LINGO2: variants seen among roughly 807,000 people sequenced by gnomAD.
The protein encoded by LINGO2 is leucine rich repeat and Ig domain containing 2.
LINGO2 carries 14 observed loss-of-function variants against 30.6 expected under a neutral mutation model. The ratio of observed to expected loss-of-function variants is 0.46; its 90% CI spans 0.30 to 0.72. The LOEUF is 0.72. LINGO2 is among the 30% of genes least tolerant of loss of function. The pLI, the probability that LINGO2 is intolerant of heterozygous loss-of-function variation, is 0.07. For synonymous variants in LINGO2, 317 were observed against 288.5 expected (o/e 1.10, Z -1.00); for missense variants, 729 against 751.7 (o/e 0.97, Z 0.35).
the LINGO2 span, among the ~76,000 whole-genome samples, chr9:29,111,151 C>T: frequency 6.6e-6 from 1 of 152,082 alleles, no homozygotes; most frequent in Non-Finnish European, 1.5e-5. Context: ...TCACTGTATA[C>T]ATTTTTTAAA....
chr9:28,582,066 T>C (rs946624795), intron 1 of LINGO2, among the ~76,000 whole-genome samples: 4 of 152,006 alleles, frequency 2.6e-5, no homozygotes, highest in Non-Finnish European at 4.4e-5. Flanking sequence ...AAGTCCTATA[T>C]TGAGCTCATC....
rs143004760 is a variant in LINGO2, at chr9:27,976,743, A to G, written c.-35-26037T>C. On this transcript the variant is annotated intron_variant, in intron 5 of 5. Coordinates refer to ENST00000379992, the Ensembl canonical transcript of LINGO2. ...TCAGAAATCTCACTTTCATTTAAGA[A>G]ATTAAGTTTTAGGAAGGTGATTAAG... Among the ~76,000 whole-genome samples the G allele has an allele frequency of 1.8e-3, 272 of 152,176 alleles. 1 individual carries two copies. The highest frequency in any genetic ancestry group is 5.4e-3 in the Admixed American group (83 of 15,270).
intron 4 of LINGO2, among the ~76,000 whole-genome samples, chr9:28,032,642 C>T (rs1325115496): frequency 1.3e-5 from 2 of 152,196 alleles, no homozygotes; most frequent in African/African-American, 4.8e-5. Flanking sequence ...CCAAAATGTT[C>T]AAACATCCTG....
At chr9:29,092,058 T>C in the LINGO2 span, among the ~76,000 whole-genome samples, 1 of 152,014 alleles carries the variant, frequency 6.6e-6, no homozygotes, top group Non-Finnish European at 1.5e-5. Flanking sequence ...ATAATGATGA[T>C]CATACAGATG....
intron 3 of LINGO2, among the ~76,000 whole-genome samples, chr9:28,363,788 T>G (rs1820547517): frequency 6.6e-6 from 1 of 152,180 alleles, no homozygotes; most frequent in South Asian, 2.1e-4. Flanking sequence ...GCATTAGATG[T>G]CTTTGAGGTT....
At chr9:28,247,643 C>T (rs1050793499) in intron 4 of LINGO2, among the ~76,000 whole-genome samples, 1 of 151,994 alleles carries the variant, frequency 6.6e-6, no homozygotes, top group African/African-American at 2.4e-5. Flanking sequence ...ATAGCTAATG[C>T]ATGCAGGTTT....
the LINGO2 span, among the ~76,000 whole-genome samples, chr9:28,949,961 G>C: frequency 6.6e-6 from 1 of 152,132 alleles, no homozygotes; most frequent in South Asian, 2.1e-4. Context: ...TGCAAGGCTG[G>C]TTCAATATAC....
At position 28,473,934 on chromosome 9, in the gene LINGO2, TA is replaced by T. The variant is rs533977609; in HGVS notation, c.-279+2005del. 1.5e-3 allele frequency among the ~76,000 whole-genome samples: 232 copies of T among 152,260 alleles called. 1 individual carries two copies. The highest frequency in any genetic ancestry group is 2.9e-3 in the Non-Finnish European group (198 of 68,004). ...TTATTTCTGACATCTTAAACTATGATAAAAAACATTCCATCAGCATCATTTT... is the reference window on the plus strand; with the variant it reads ...TTATTTCTGACATCTTAAACTATGATAAAAACATTCCATCAGCATCATTTT... On this transcript the variant is annotated intron_variant, in intron 2 of 5. Transcript: ENST00000379992.
At chr9:28,447,605 T>G (rs1004517395) in intron 2 of LINGO2, among the ~76,000 whole-genome samples, 1 of 152,118 alleles carries the variant, frequency 6.6e-6, no homozygotes, top group Non-Finnish European at 1.5e-5. Flanking sequence ...CATAGTGAGA[T>G]CTCATCTCTA....
chr9:28,992,619 G>A, the LINGO2 span, among the ~76,000 whole-genome samples: 2 of 151,992 alleles, frequency 1.3e-5, no homozygotes, highest in African/African-American at 4.8e-5. Context: ...TGGAAGTAAA[G>A]CTCTCCTCAG....
the LINGO2 span, among the ~76,000 whole-genome samples, chr9:28,795,499 C>A: frequency 6.6e-6 from 1 of 152,010 alleles, no homozygotes; most frequent in Admixed American, 6.6e-5. Context: ...TCAAAAATGT[C>A]ATGGTATCTG....
chr9:28,506,417 TATATAC>T (rs1421885793), intron 1 of LINGO2, among the ~76,000 whole-genome samples: 4 of 3,152 alleles, frequency 1.3e-3, no homozygotes, highest in African/African-American at 2.1e-3. Flanking sequence ...TATATATATA[TATATAC>T]ACACACACAC....
At chr9:29,212,726 G>A in the LINGO2 span, among the ~76,000 whole-genome samples, 1 of 152,306 alleles carries the variant, frequency 6.6e-6, no homozygotes, top group South Asian at 2.1e-4. Context: ...GTGAGGACAG[G>A]ACACTCCTCT....
chr9:29,172,621 G>GA, the LINGO2 span, among the ~76,000 whole-genome samples: 1 of 151,616 alleles, frequency 6.6e-6, no homozygotes, highest in African/African-American at 2.4e-5. Context: ...AACTACAGAA[G>GA]AAAAATAATC....
At chr9:28,776,950 C>T in the LINGO2 span, among the ~76,000 whole-genome samples, 1 of 151,844 alleles carries the variant, frequency 6.6e-6, no homozygotes, top group Non-Finnish European at 1.5e-5. Context: ...GTGATGATTT[C>T]CCCTTGGATT....
chr9:28,045,147 G>T (rs1824360503), intron 4 of LINGO2, among the ~76,000 whole-genome samples: 2 of 151,610 alleles, frequency 1.3e-5, no homozygotes, highest in South Asian at 4.2e-4. Flanking sequence ...CCATTTTCCG[G>T]TCCATTCCCA....
intron 2 of LINGO2, among the ~76,000 whole-genome samples, chr9:28,392,314 A>G (rs1821872436): frequency 6.6e-6 from 1 of 152,170 alleles, no homozygotes; most frequent in Non-Finnish European, 1.5e-5. Flanking sequence ...AAGGAAGGCT[A>G]CTTGAGAAAA....
At chr9:28,258,716 C>A (rs979857551) in intron 4 of LINGO2, among the ~76,000 whole-genome samples, 6 of 151,954 alleles carry the variant, frequency 3.9e-5, no homozygotes, top group African/African-American at 1.2e-4. Context: ...TGAACTACAA[C>A]ACGGAACATC....
chr9:29,145,714 T>C, the LINGO2 span, among the ~76,000 whole-genome samples: 3 of 152,180 alleles, frequency 2.0e-5, no homozygotes, highest in African/African-American at 7.2e-5. Context: ...TTTGATTTAA[T>C]ATAAAGAGTA....
Sources: allele counts gnomAD v4.1 joint callset (sites outside exome capture counted in the v4.1 genomes callset), GRCh38; gene constraint gnomAD v4.1.1; transcripts MANE v1.5; gene names NCBI Gene and HGNC (gene_info 2026-07-23, HGNC 2026-07-21).